The following SLC1A1 variants were observed in gnomAD, a reference collection of about 807,000 sequenced individuals.
The protein encoded by SLC1A1 is excitatory amino acid transporter 3.
Under a neutral mutation model 53.3 loss-of-function variants are expected in SLC1A1, and 43 were observed. The ratio of observed to expected loss-of-function variants is 0.81; its 90% confidence interval spans 0.63 to 1.04. The LOEUF is 1.04. Among genes scored for constraint, SLC1A1 ranks in the 50% least tolerant of loss-of-function variants. The pLI, the probability that SLC1A1 is intolerant of heterozygous loss-of-function variation, is 0.00. For synonymous variants in SLC1A1, 307 were observed against 243.2 expected, an observed-to-expected ratio of 1.26 and a Z score of -2.44; for missense variants, 748 against 664.9, an observed-to-expected ratio of 1.12 and a Z score of -1.37.
chr9:4,543,763 G>A (rs994269008), intron 1 of SLC1A1, among the ~76,000 whole-genome samples: 8 of 152,002 alleles, frequency 5.3e-5, no homozygotes, highest in African/African-American at 1.9e-4. Flanking sequence ...TAAATCAATA[G>A]GCTATTATAT....
chr9:4,545,164 C>T (rs543255588), intron 2 of SLC1A1, among the ~76,000 whole-genome samples: 110 of 126,286 alleles, frequency 8.7e-4, no homozygotes, highest in African/African-American at 2.9e-3. Flanking sequence ...TTTCTAATTA[C>T]GGGAAAAATT....
At chr9:4,496,231 G>A (rs1000058620) in intron 1 of SLC1A1, among the ~76,000 whole-genome samples, 2 of 152,096 alleles carry the variant, frequency 1.3e-5, no homozygotes, top group Non-Finnish European at 2.9e-5. Flanking sequence ...TGGGTGAGAG[G>A]CTCGGGGGCA....
chr9:4,508,792 A>G (rs1016703502), intron 1 of SLC1A1, among the ~76,000 whole-genome samples: 2 of 152,222 alleles, frequency 1.3e-5, no homozygotes, highest in African/African-American at 4.8e-5. Flanking sequence ...GGGCATGTGC[A>G]TTAAATAGCA....
chr9:4,526,741 C>T (rs958952346), intron 1 of SLC1A1, among the ~76,000 whole-genome samples: 1 of 151,724 alleles, frequency 6.6e-6, no homozygotes, highest in South Asian at 2.1e-4. Flanking sequence ...AAAGTTAATG[C>T]CAGTGTTGCA....
chr9:4,503,877 G>GAACC (rs1820715845), intron 1 of SLC1A1, among the ~76,000 whole-genome samples: 2 of 148,216 alleles, frequency 1.3e-5, no homozygotes, highest in Admixed American at 1.3e-4. Context: ...AATCTTTGAT[G>GAACC]AACCAATCCC....
chr9:4,536,265 G>A (rs1471877087), intron 1 of SLC1A1, among the ~76,000 whole-genome samples: 1 of 152,104 alleles, frequency 6.6e-6, no homozygotes, highest in Non-Finnish European at 1.5e-5. Context: ...GCAACCTACA[G>A]AATGGGAGAA....
intron 1 of SLC1A1, among the ~76,000 whole-genome samples, chr9:4,501,622 G>T (rs1383882823): frequency 6.6e-6 from 1 of 151,554 alleles, no homozygotes; most frequent in East Asian, 1.9e-4. Flanking sequence ...AAATTAGCCA[G>T]GTATGGTGGT....
chr9:4,490,761 G>A lies in SLC1A1; in HGVS notation c.82G>A (p.Val28Met), dbSNP rs772455202. ...NWVLLSTVAA[V>M]VLGITTGVLV... ...GGTGTTGCTGTCCACCGTGGCCGCG[G>A]TGGTGCTAGGTGAGCGGCGCGGCGG... is the stretch of plus-strand genomic sequence containing the variant. The change falls in exon 1 of 12, where the codon GTG becomes ATG. Residue 28 changes from valine (V) to methionine (M), a missense_variant. Coordinates refer to ENST00000262352, the MANE Select transcript of SLC1A1 (RefSeq NM_004170.6). 6.2e-7 allele frequency: 1 copy of A among 1,611,964 alleles called. No individual in the cohort carries two copies. Among genetic ancestry groups the A allele is most frequent in the South Asian group, 1.1e-5 (1 of 90,974 alleles).
intron 1 of SLC1A1, among the ~76,000 whole-genome samples, chr9:4,491,111 T>A (rs2130783479): frequency 6.6e-6 from 1 of 152,280 alleles, no homozygotes; most frequent in Middle Eastern, 3.4e-3. Context: ...TCTTTGTTAA[T>A]CCCGCACCGT....
intron 1 of SLC1A1, among the ~76,000 whole-genome samples, chr9:4,530,195 A>T (rs971687142): frequency 6.6e-6 from 1 of 152,058 alleles, no homozygotes; most frequent in Non-Finnish European, 1.5e-5. Flanking sequence ...AGAGGGCCCA[A>T]TTCTTCCCTT....
At chr9:4,572,118 T>C in intron 6 of SLC1A1, 86 bp from the exon 7 acceptor site, 1 of 1,118,482 alleles carries the variant, frequency 8.9e-7, no homozygotes, top group Admixed American at 1.7e-5. Context: ...TTATGTTTGG[T>C]CATTGTATCT....
intron 1 of SLC1A1, among the ~76,000 whole-genome samples, chr9:4,495,857 A>C (rs1310705142): frequency 1.3e-5 from 2 of 152,172 alleles, no homozygotes; most frequent in Non-Finnish European, 2.9e-5. Context: ...GGCAGTGGCT[A>C]TCTCCAGCAA....
intron 1 of SLC1A1, among the ~76,000 whole-genome samples, chr9:4,532,178 T>C (rs1015212444): frequency 3.9e-5 from 6 of 152,108 alleles, no homozygotes; most frequent in Admixed American, 2.6e-4. Flanking sequence ...CGCAGCTCCT[T>C]ACCAGCAATG....
At chr9:4,557,827 G>A (rs1318416936) in intron 2 of SLC1A1, among the ~76,000 whole-genome samples, 2 of 152,026 alleles carry the variant, frequency 1.3e-5, no homozygotes, top group Admixed American at 1.3e-4. Context: ...GAGCCAATAT[G>A]GAATAGTGGT....
At chr9:4,497,302 C>T (rs568973818) in intron 1 of SLC1A1, among the ~76,000 whole-genome samples, 3 of 152,254 alleles carry the variant, frequency 2.0e-5, no homozygotes, top group South Asian at 2.1e-4. Context: ...GGGATTCAAA[C>T]CCTGGAAGTC....
intron 4 of SLC1A1, among the ~76,000 whole-genome samples, chr9:4,565,055 A>T (rs538689613): frequency 6.6e-6 from 1 of 152,342 alleles, no homozygotes; most frequent in South Asian, 2.1e-4. Flanking sequence ...AAGTTTCTAT[A>T]GAACAGAGCA....
chr9:4,536,028 T>C lies in SLC1A1; in HGVS notation c.92-8539T>C, dbSNP rs543342039. On this transcript the variant is annotated intron_variant, in intron 1 of 11. Transcript: ENST00000262352. ...GAAACTGGATCCCTTCCTTACACCT[T>C]ATACAAAAATTAATACAAGATGGAT... Among the ~76,000 whole-genome samples the C allele has an allele frequency of 3.9e-5, 6 of 152,244 alleles. No individual in the cohort carries two copies. The South Asian group carries it at 1.2e-3, about 32-fold the overall frequency.
At chr9:4,536,843 C>T (rs1816694480) in intron 1 of SLC1A1, among the ~76,000 whole-genome samples, 1 of 152,220 alleles carries the variant, frequency 6.6e-6, no homozygotes, top group South Asian at 2.1e-4. Context: ...CACATATACA[C>T]CATGGAATAC....
At position 4,490,854 on chromosome 9, in the gene SLC1A1, C is replaced by T. The variant is rs1162276345; in HGVS notation, c.91+84C>T. 8 of 1,152,178 alleles carry T rather than the reference C, an allele frequency of 6.9e-6. No individual in the cohort carries two copies. In the East Asian group the frequency reaches 2.0e-4, roughly 28 times the overall value. 71.4% of individuals were successfully genotyped at this position (1,152,178 alleles called of 1,614,324 possible). ...CGCGTGCGGCTGAGGGTGGGCTTGG[C>T]GCTGGCGCACTCCATGCAGGGTCCC... On this transcript the variant is annotated intron_variant, in intron 1 of 11. Transcript: ENST00000262352.
Sources: allele counts gnomAD v4.1 joint callset (sites outside exome capture counted in the v4.1 genomes callset), GRCh38; gene constraint gnomAD v4.1.1; transcripts MANE v1.5; gene names NCBI Gene and HGNC (gene_info 2026-07-23, HGNC 2026-07-21).